The following EIF2AK2 variants were observed in gnomAD, a reference collection of about 807,000 sequenced individuals.
EIF2AK2 encodes eukaryotic translation initiation factor 2 alpha kinase 2, also known as interferon-induced, double-stranded RNA-activated protein kinase.
A neutral mutation model predicts 70.5 loss-of-function variants in EIF2AK2; 40 were observed. That is an observed-to-expected ratio of 0.57 (90% CI 0.44 to 0.74). EIF2AK2 has a LOEUF of 0.74. Among genes scored for constraint, EIF2AK2 ranks in the 30% least tolerant of loss-of-function variants. The pLI is 0.00. For synonymous variants in EIF2AK2, 198 were observed against 220.9 expected (o/e 0.90, Z 0.92); for missense variants, 555 against 644.3 (o/e 0.86, Z 1.50).
In EIF2AK2 at chr2:37,137,949, A is replaced by G. The variant is rs1197796806; in HGVS notation, c.687+321T>C. ...AACATGGTGAAACCCCGTCTCTACT[A>G]AAAGTACAAAAATTAGCCAGGTGTG... On this transcript the variant is annotated intron_variant, in intron 8 of 16. Transcript: ENST00000233057. Among the ~76,000 whole-genome samples the G allele has an allele frequency of 2.0e-5, 3 of 152,042 alleles. No individual in the cohort carries two copies. The East Asian group carries it at 5.8e-4, about 29-fold the overall frequency.
In EIF2AK2 at chr2:37,107,356, CCT is replaced by C. The variant is rs1297935311; in HGVS notation, c.1571_1572del (p.Glu524GlyfsTer4). 1.2e-6 allele frequency: 2 copies of C among 1,613,878 alleles called. No individual in the cohort carries two copies. Reference protein sequence around the residue: ...LLQKLLSKKPEDRPNTSEILR... With the variant: ...LLQKLLSKKPXDRPNTSEILR... ...AGTATTTCAGATGTGTTAGGTCGAT[CCT>C]CAGGTTTCTTTGAGAGTAATTTCTG... On this transcript the variant is annotated frameshift_variant, in exon 17 of 17. Coordinates refer to ENST00000233057, the MANE Select transcript of EIF2AK2 (RefSeq NM_001135651.3). LOFTEE classifies it low-confidence loss of function (END_TRUNC).
chr2:37,129,800 C>T (rs1179186202), intron 10 of EIF2AK2, among the ~76,000 whole-genome samples: 1 of 152,180 alleles, frequency 6.6e-6, no homozygotes, highest in East Asian at 1.9e-4. Context: ...GGACATCCTA[C>T]ACAAACGGGG....
chr2:37,139,013 G>A (rs376655446), intron 6 of EIF2AK2, among the ~76,000 whole-genome samples: 3 of 150,804 alleles, frequency 2.0e-5, no homozygotes, highest in Admixed American at 1.3e-4. Flanking sequence ...CCCCGGCCAG[G>A]TGGTCTGAAA....
intron 11 of EIF2AK2, among the ~76,000 whole-genome samples, chr2:37,124,135 T>C (rs1674651428): frequency 6.6e-6 from 1 of 151,490 alleles, no homozygotes; most frequent in South Asian, 2.1e-4. Context: ...ACTTGGCTAG[T>C]TTTTATATTT....
intron 10 of EIF2AK2, among the ~76,000 whole-genome samples, chr2:37,132,585 T>C (rs1416978427): frequency 6.6e-6 from 1 of 151,926 alleles, no homozygotes; most frequent in Non-Finnish European, 1.5e-5. Context: ...CAAGAATCTG[T>C]CTCAAAAAAC....
chr2:37,126,967 G>GAAAAAAAAAAAAAAAA (rs57802509), intron 10 of EIF2AK2, among the ~76,000 whole-genome samples: 5 of 52,156 alleles, frequency 9.6e-5, no homozygotes, highest in African/African-American at 2.3e-4. Context: ...CAAAAAAACA[G>GAAAAAAAAAAAAAAAA]AAAAAAAAAA....
intron 13 of EIF2AK2, among the ~76,000 whole-genome samples, chr2:37,116,661 T>C (rs1029247287): frequency 1.3e-5 from 2 of 152,180 alleles, no homozygotes; most frequent in African/African-American, 2.4e-5. Context: ...AACAGTCAGA[T>C]TGGAGCCTAA....
chr2:37,121,415 T>G (rs1413484365), intron 12 of EIF2AK2, among the ~76,000 whole-genome samples: 1 of 151,966 alleles, frequency 6.6e-6, no homozygotes, highest in Non-Finnish European at 1.5e-5. Flanking sequence ...TAAAGTAACT[T>G]TGAAACCTTT....
At chr2:37,156,586 C>A (rs1478371351) in intron 1 of EIF2AK2, among the ~76,000 whole-genome samples, 2 of 152,220 alleles carry the variant, frequency 1.3e-5, no homozygotes, top group African/African-American at 2.4e-5. Flanking sequence ...CCACTAGACC[C>A]CGCCCCACAA....
At chr2:37,131,374 C>A (rs1293138511) in intron 10 of EIF2AK2, among the ~76,000 whole-genome samples, 1 of 152,162 alleles carries the variant, frequency 6.6e-6, no homozygotes, top group Non-Finnish European at 1.5e-5. Context: ...AAACCTGGCC[C>A]CTTTGCTTAA....
intron 13 of EIF2AK2, 137 bp downstream of exon 13, chr2:37,119,822 C>G (rs1414191785): frequency 2.6e-6 from 1 of 388,864 alleles, no homozygotes; most frequent in Non-Finnish European, 4.1e-6. Context: ...GAACTCATGA[C>G]CTCAGATGAT....
At position 37,122,612 on chromosome 2, in the gene EIF2AK2, C is replaced by T; in HGVS notation, c.961G>A (p.Val321Ile). Residue 321 changes from valine (V) to isoleucine (I), a missense_variant, in exon 12 of 17, where the codon GTT (valine) becomes ATT (isoleucine). Around this residue, in one of 3 missense-constraint regions of EIF2AK2, gnomAD observed 299 missense variants for 375.4 expected, o/e 0.80. Coordinates refer to ENST00000233057, the MANE Select transcript of EIF2AK2 (RefSeq NM_001135651.3). ...CCATCCCAACAGCCATTGTAGTGAA[C>T]AATATTTACATGATCAAGTTTTGCC... ...ALAKLDHVNI[V>I]HYNGCWDGFD... 1 of 1,614,116 alleles carries T rather than the reference C, an allele frequency of 6.2e-7. No individual in the cohort carries two copies. Among genetic ancestry groups the T allele is most frequent in the Non-Finnish European group, 8.5e-7 (1 of 1,180,048 alleles).
chr2:37,107,435 T>A (rs749753079), intron 16 of EIF2AK2, 39 bp downstream of exon 16: 1 of 1,609,942 alleles, frequency 6.2e-7, no homozygotes, highest in East Asian at 2.2e-5. Flanking sequence ...AAATAAAACA[T>A]TGAAATAAAT....
In EIF2AK2 at chr2:37,103,003, C is replaced by CTGTGTGTGTGTGTG. The variant is rs71398218; in HGVS notation, c.*4256_*4269dup. The stretch of plus-strand genomic sequence containing the variant: ...TATATTAAAATGGCTCTCAAAATTT[C>CTGTGTGTGTGTGTG]TGTGTGTGTGTGTGTGTGTGTGCAT... On this transcript the variant is annotated 3_prime_UTR_variant, in exon 17 of 17. Transcript: ENST00000233057. 1 of 149,052 alleles carries CTGTGTGTGTGTGTG rather than the reference C, an allele frequency of 6.7e-6. No individual in the cohort carries two copies. Among genetic ancestry groups the CTGTGTGTGTGTGTG allele is most frequent in the Non-Finnish European group, 1.5e-5 (1 of 67,288 alleles). 9.2% of individuals were successfully genotyped at this position (149,052 alleles called of 1,614,324 possible).
Position 37,141,562 on chromosome 2 carries a change from C to T in EIF2AK2, c.380G>A (p.Gly127Glu), listed in dbSNP as rs757562865. Residue 127 changes from glycine (G) to glutamate (E), a missense_variant, in exon 5 of 17, where the codon GGG (glycine) becomes GAG (glutamate). Transcript: ENST00000233057. Reference sequence around the variant, plus strand: ...CCAAATTATGTCTTACCCTTCTGGCCCATGCACCCCCGATGCACACTGTTC... The same window carrying T: ...CCAAATTATGTCTTACCCTTCTGGCTCATGCACCCCCGATGCACACTGTTC... Reference protein sequence around the residue: ...NYEQCASGVHGPEGFHYKCKM... With the variant: ...NYEQCASGVHEPEGFHYKCKM... 5 of 1,612,604 alleles carry T rather than the reference C, an allele frequency of 3.1e-6. No individual in the cohort carries two copies. In the South Asian group the frequency reaches 3.3e-5, roughly 11 times the overall value.
At chr2:37,139,964 G>A (rs4648186) in intron 5 of EIF2AK2, among the ~76,000 whole-genome samples, 16,195 of 152,120 alleles carry the variant, frequency 0.11, 992 homozygotes, top group South Asian at 0.14. Flanking sequence ...TGACATCTGA[G>A]CTTGCATTTT....
At chr2:37,154,910 T>C (rs1675870952) in intron 1 of EIF2AK2, among the ~76,000 whole-genome samples, 1 of 150,896 alleles carries the variant, frequency 6.6e-6, no homozygotes, top group South Asian at 2.1e-4. Flanking sequence ...TCTCCTTTCC[T>C]GGTTCATCTT....
chr2:37,144,326 C>CT (rs201890141), intron 4 of EIF2AK2, among the ~76,000 whole-genome samples: 4,558 of 148,858 alleles, frequency 0.031, 101 homozygotes, highest in Middle Eastern at 0.061. Flanking sequence ...ATTTACTATA[C>CT]TTTTTTTATC....
At chr2:37,122,052 T>C (rs901713632) in intron 12 of EIF2AK2, among the ~76,000 whole-genome samples, 6 of 152,198 alleles carry the variant, frequency 3.9e-5, no homozygotes, top group African/African-American at 1.4e-4. Context: ...ATAAGTGGTA[T>C]AGTTACATTC....
Sources: gnomAD v4.1 joint callset for allele counts (sites outside exome capture counted in the v4.1 genomes callset) on GRCh38, gnomAD v4.1.1 for gene constraint, gnomAD v4.1.1 regional missense constraint, MANE v1.5 for transcripts, NCBI Gene and HGNC (gene_info 2026-07-23, HGNC 2026-07-21) for gene names.